The following GRIK4 variants were observed in gnomAD, a reference collection of about 807,000 sequenced individuals.
The protein encoded by GRIK4 is glutamate ionotropic receptor kainate type subunit 4.
In GRIK4, 40 loss-of-function variants were observed where a neutral mutation model predicts 104.9. The observed-to-expected ratio is 0.38, with a 90% CI of 0.30 to 0.50. The LOEUF (loss-of-function observed/expected upper bound fraction) is 0.50. Ranked by LOEUF, GRIK4 falls within the 20% of genes least tolerant of loss-of-function variation. The pLI, the probability that GRIK4 is intolerant of heterozygous loss-of-function variation, is 0.93. For synonymous variants in GRIK4, 485 were observed against 524.9 expected (o/e 0.92, Z 1.04); for missense variants, 1,047 against 1,308.1 (o/e 0.80, Z 3.08).
chr11:120,718,310 C>G (rs1396720787), intron 3 of GRIK4, among the ~76,000 whole-genome samples: 1 of 152,238 alleles, frequency 6.6e-6, no homozygotes, highest in Non-Finnish European at 1.5e-5. Context: ...AAAGCTCCAA[C>G]TCCCGGTAGC....
At chr11:120,744,894 C>G (rs902275885) in intron 3 of GRIK4, among the ~76,000 whole-genome samples, 1 of 152,168 alleles carries the variant, frequency 6.6e-6, no homozygotes, top group Admixed American at 6.5e-5. Flanking sequence ...AAGGTAATAA[C>G]TGGACCATCA....
At chr11:120,525,072 A>G (rs1339165552) in intron 1 of GRIK4, among the ~76,000 whole-genome samples, 2 of 152,108 alleles carry the variant, frequency 1.3e-5, no homozygotes, top group Non-Finnish European at 2.9e-5. Flanking sequence ...TGATGCCTGC[A>G]GTGCTGGGTC....
Position 120,883,609 on chromosome 11 carries a change from T to G in GRIK4, c.1164+8366T>G, listed in dbSNP as rs138526733. Among the ~76,000 whole-genome samples the G allele has an allele frequency of 1.1e-3, 162 of 152,306 alleles. 1 individual carries two copies. Among genetic ancestry groups the G allele is most frequent in the Admixed American group, 2.6e-3 (40 of 15,302 alleles). On this transcript the variant is annotated intron_variant, in intron 11 of 20. Transcript: ENST00000527524. ...GCCTTCCTGGCCCATGTAAGTCTGG[T>G]TCTTTCTCCCAAAGCACAGGGACTT...
intron 1 of GRIK4, among the ~76,000 whole-genome samples, chr11:120,525,547 G>A (rs1301437471): frequency 6.6e-6 from 1 of 152,196 alleles, no homozygotes; most frequent in Non-Finnish European, 1.5e-5. Context: ...GGCACATGGA[G>A]AAGAGACCAG....
chr11:120,892,231 G>A (rs975285318), intron 11 of GRIK4, among the ~76,000 whole-genome samples: 3 of 152,170 alleles, frequency 2.0e-5, no homozygotes, highest in African/African-American at 7.2e-5. Context: ...AAGCTGGACC[G>A]AAGAGCATGA....
chr11:120,955,448 C>T (rs1944120953), intron 15 of GRIK4, among the ~76,000 whole-genome samples: 1 of 152,234 alleles, frequency 6.6e-6, no homozygotes. Flanking sequence ...GAAGATAACA[C>T]CGAGCACACA....
intron 1 of GRIK4, among the ~76,000 whole-genome samples, chr11:120,567,888 A>G: frequency 6.6e-6 from 1 of 152,210 alleles, no homozygotes. Context: ...CTAGCATAAA[A>G]TCTACAGTAG....
chr11:120,731,110 A>C (rs922073374), intron 3 of GRIK4, among the ~76,000 whole-genome samples: 3 of 152,124 alleles, frequency 2.0e-5, no homozygotes, highest in Non-Finnish European at 2.9e-5. Flanking sequence ...GTTGAATAAA[A>C]GTGGGGATGG....
intron 3 of GRIK4, among the ~76,000 whole-genome samples, chr11:120,704,225 G>A (rs562794764): frequency 6.6e-6 from 1 of 152,282 alleles, no homozygotes; most frequent in East Asian, 1.9e-4. Context: ...CTTTTCTTAT[G>A]ATGATATATA....
At chr11:120,534,421 T>A (rs1947951200) in intron 1 of GRIK4, among the ~76,000 whole-genome samples, 1 of 151,920 alleles carries the variant, frequency 6.6e-6, no homozygotes, top group Non-Finnish European at 1.5e-5. Context: ...TTAGGGCAAG[T>A]AGGGGGCACA....
At chr11:120,645,421 T>C (rs563055901) in intron 1 of GRIK4, among the ~76,000 whole-genome samples, 36 of 152,362 alleles carry the variant, frequency 2.4e-4, no homozygotes, top group Admixed American at 9.1e-4. Context: ...ATGTTGAGTG[T>C]GTAGGTGAAC....
chr11:120,523,723 C>T lies in GRIK4; in HGVS notation c.-159+11836C>T, dbSNP rs566246473. Reference sequence around the variant, plus strand: ...CTTCGTCTCTTTAGCCACTGCTTCTCCGTGTGGCCAGTGCCTTTCTAAGGA... The same window carrying T: ...CTTCGTCTCTTTAGCCACTGCTTCTTCGTGTGGCCAGTGCCTTTCTAAGGA... On this transcript the variant is annotated intron_variant, in intron 1 of 20. Coordinates refer to ENST00000527524, the MANE Select transcript of GRIK4 (RefSeq NM_014619.5). Among the ~76,000 whole-genome samples the T allele has an allele frequency of 2.6e-5, 4 of 152,316 alleles. No individual in the cohort carries two copies. The East Asian group carries it at 7.7e-4, about 29-fold the overall frequency.
At chr11:120,680,990 C>T (rs959398497) in intron 3 of GRIK4, among the ~76,000 whole-genome samples, 2 of 152,136 alleles carry the variant, frequency 1.3e-5, no homozygotes, top group African/African-American at 4.8e-5. Flanking sequence ...ATCACAGGGG[C>T]CCCTGCACTG....
chr11:120,835,342 A>C (rs1311925484), intron 7 of GRIK4, among the ~76,000 whole-genome samples: 6 of 152,230 alleles, frequency 3.9e-5, no homozygotes, highest in Non-Finnish European at 7.3e-5. Flanking sequence ...AGCCTGGCCA[A>C]TATGGCGAAA....
chr11:120,896,018 C>T (rs1236041320), intron 11 of GRIK4, among the ~76,000 whole-genome samples: 2 of 152,244 alleles, frequency 1.3e-5, no homozygotes, highest in East Asian at 3.8e-4. Context: ...CCGCCCTAGC[C>T]TCACCAACAA....
At chr11:120,789,399 C>A (rs1327780471) in intron 3 of GRIK4, among the ~76,000 whole-genome samples, 1 of 152,152 alleles carries the variant, frequency 6.6e-6, no homozygotes, top group African/African-American at 2.4e-5. Flanking sequence ...CCAACCCCCA[C>A]TGATTTTGAT....
intron 3 of GRIK4, among the ~76,000 whole-genome samples, chr11:120,748,793 G>A (rs968662276): frequency 3.9e-5 from 6 of 152,132 alleles, no homozygotes; most frequent in Non-Finnish European, 8.8e-5. Context: ...ACAGGACAGC[G>A]AATTGCCCAG....
intron 1 of GRIK4, among the ~76,000 whole-genome samples, chr11:120,554,983 G>GAGA (rs1304613733): frequency 7.9e-5 from 12 of 152,304 alleles, no homozygotes; most frequent in Admixed American, 6.5e-4. Context: ...TAGGCAGAGG[G>GAGA]AGACCGCAAC....
rs539633141 is a variant in GRIK4 at position 120,575,188 on chromosome 11, G to A, written c.-159+63301G>A. Among the ~76,000 whole-genome samples the A allele has an allele frequency of 5.3e-5, 8 of 152,162 alleles. No homozygotes were observed. The East Asian group carries it at 7.7e-4, about 15-fold the overall frequency. The stretch of plus-strand genomic sequence containing the variant: ...ATGCACGTTCATGCTGGGATCCTTC[G>A]CTCCCTCCCTTTGAGGACACGAGCA... On this transcript the variant is annotated intron_variant, in intron 1 of 20. Coordinates refer to ENST00000527524, the MANE Select transcript of GRIK4 (RefSeq NM_014619.5).
Sources: gnomAD v4.1 joint callset for allele counts (sites outside exome capture counted in the v4.1 genomes callset) on GRCh38, gnomAD v4.1.1 for gene constraint, MANE v1.5 for transcripts, NCBI Gene and HGNC (gene_info 2026-07-23, HGNC 2026-07-21) for gene names.